SMOC2: variants seen among roughly 807,000 people sequenced by gnomAD.
The protein encoded by SMOC2 is SPARC-related modular calcium-binding protein 2.
A neutral mutation model predicts 61.4 loss-of-function variants in SMOC2; 39 were observed. The observed-to-expected ratio is 0.64, with a 90% CI of 0.49 to 0.83. The LOEUF (loss-of-function observed/expected upper bound fraction) is 0.83. Among genes scored for constraint, SMOC2 ranks in the 40% least tolerant of loss-of-function variants. SMOC2 has a pLI of 0.00. For synonymous variants in SMOC2, 247 were observed against 239.9 expected, an observed-to-expected ratio of 1.03 and a Z score of -0.27; for missense variants, 556 against 592.9, an observed-to-expected ratio of 0.94 and a Z score of 0.65.
chr6:168,480,978 A>G (rs983019193), intron 1 of SMOC2, among the ~76,000 whole-genome samples: 9 of 152,200 alleles, frequency 5.9e-5, no homozygotes, highest in African/African-American at 4.8e-5. Context: ...CCCTATCTCC[A>G]GCAAAGCTGT....
chr6:168,583,545 G>GTC (rs1784971659), intron 7 of SMOC2, among the ~76,000 whole-genome samples: 13 of 151,924 alleles, frequency 8.6e-5, no homozygotes, highest in Admixed American at 7.9e-4. Flanking sequence ...CTACAGGGGT[G>GTC]TGGGTCTGAC....
At chr6:168,620,042 C>A (rs1786205837) in intron 9 of SMOC2, among the ~76,000 whole-genome samples, 1 of 152,238 alleles carries the variant, frequency 6.6e-6, no homozygotes, top group African/African-American at 2.4e-5. Context: ...AGATCCCCTG[C>A]ACCAGGTTGC....
chr6:168,663,806 A>G (rs772271694), intron 11 of SMOC2, among the ~76,000 whole-genome samples: 7 of 152,248 alleles, frequency 4.6e-5, no homozygotes, highest in Non-Finnish European at 8.8e-5. Flanking sequence ...GATTTAAAGT[A>G]TATAGGAGGT....
chr6:168,605,534 C>G (rs147937426), intron 8 of SMOC2, among the ~76,000 whole-genome samples: 95 of 152,274 alleles, frequency 6.2e-4, no homozygotes, highest in African/African-American at 2.2e-3. Flanking sequence ...GCATTTCACA[C>G]TACTCATTAA....
Position 168,653,059 on chromosome 6 carries a change from C to T in SMOC2, c.1116C>T (p.Ile372=). ...GTGGAGACATCGGCAAAAAGGAAAT[C>T]AAACCCTTCAAGAGGTTCCTTCGCA... ...NSSGDIGKKE[I]KPFKRFLRKK... The change falls in exon 11 of 13, where the codon ATC becomes ATT. Residue 372 remains isoleucine (I), a synonymous_variant. Coordinates refer to ENST00000356284, the MANE Select transcript of SMOC2 (RefSeq NM_001166412.2). 1 of 1,614,152 alleles carries T rather than the reference C, an allele frequency of 6.2e-7. No homozygotes were observed.
chr6:168,523,674 C>T (rs1215853701), intron 2 of SMOC2, among the ~76,000 whole-genome samples: 3 of 152,110 alleles, frequency 2.0e-5, no homozygotes, highest in East Asian at 1.9e-4. Flanking sequence ...GCTGGGATTA[C>T]AGGCATCAAC....
intron 9 of SMOC2, among the ~76,000 whole-genome samples, chr6:168,623,437 C>T (rs1300123601): frequency 6.0e-5 from 9 of 150,602 alleles, no homozygotes; most frequent in Non-Finnish European, 1.2e-4. Context: ...GCAATTCTCC[C>T]GCCTCAGCCT....
chr6:168,599,288 A>C (rs1371755213), intron 8 of SMOC2, among the ~76,000 whole-genome samples: 20 of 95,922 alleles, frequency 2.1e-4, no homozygotes, highest in African/African-American at 7.9e-4. Flanking sequence ...ACACACCCAC[A>C]CACACACATA....
chr6:168,663,778 T>C (rs962854735), intron 11 of SMOC2, among the ~76,000 whole-genome samples: 3 of 152,218 alleles, frequency 2.0e-5, no homozygotes, highest in African/African-American at 2.4e-5. Flanking sequence ...CATTAAGCAT[T>C]ATAAGTAGTC....
intron 1 of SMOC2, among the ~76,000 whole-genome samples, chr6:168,464,213 G>A (rs1296340552): frequency 6.8e-6 from 1 of 147,348 alleles, no homozygotes; most frequent in Admixed American, 6.8e-5. Context: ...GAGGAAGGAA[G>A]AAAGGAAGGA....
chr6:168,555,522 C>G (rs902633280), intron 7 of SMOC2, among the ~76,000 whole-genome samples: 1 of 152,200 alleles, frequency 6.6e-6, no homozygotes, highest in Non-Finnish European at 1.5e-5. Flanking sequence ...AGCTCCTTCT[C>G]CCTCTGCCAG....
At chr6:168,543,975 A>T (rs73258979) in intron 5 of SMOC2, among the ~76,000 whole-genome samples, 2 of 152,138 alleles carry the variant, frequency 1.3e-5, no homozygotes, top group East Asian at 3.9e-4. Context: ...GCTGAGGCTC[A>T]GTATTTTGGC....
At chr6:168,567,545 A>G (rs1387920946) in intron 7 of SMOC2, among the ~76,000 whole-genome samples, 2 of 152,110 alleles carry the variant, frequency 1.3e-5, no homozygotes, top group African/African-American at 4.8e-5. Context: ...GCCACGTTGA[A>G]TATCTAGTAT....
intron 3 of SMOC2, 29 bp from the exon 4 acceptor site, chr6:168,527,599 G>A: frequency 1.3e-6 from 2 of 1,514,466 alleles, no homozygotes; most frequent in Non-Finnish European, 9.0e-7. Flanking sequence ...GGGCCCGGGA[G>A]GGCTTACCCG....
intron 1 of SMOC2, among the ~76,000 whole-genome samples, chr6:168,445,721 G>A (rs1198633733): frequency 6.6e-6 from 1 of 152,182 alleles, no homozygotes; most frequent in African/African-American, 2.4e-5. Flanking sequence ...GACCACGAAG[G>A]TGGTTAAGGA....
At chr6:168,508,093 C>T (rs1371000859) in intron 1 of SMOC2, among the ~76,000 whole-genome samples, 3 of 152,298 alleles carry the variant, frequency 2.0e-5, no homozygotes, top group South Asian at 2.1e-4. Context: ...GGGCTCCCCA[C>T]GGGCCGTCCG....
At chr6:168,495,051 A>G (rs1444452231) in intron 1 of SMOC2, among the ~76,000 whole-genome samples, 2 of 152,214 alleles carry the variant, frequency 1.3e-5, no homozygotes, top group Non-Finnish European at 2.9e-5. Flanking sequence ...GAACCTGCTC[A>G]CACCATGACC....
At chr6:168,499,837 A>G (rs1039416496) in intron 1 of SMOC2, among the ~76,000 whole-genome samples, 1 of 152,170 alleles carries the variant, frequency 6.6e-6, no homozygotes, top group Non-Finnish European at 1.5e-5. Context: ...GCAATCAGGA[A>G]GGAGTGAGTT....
At chr6:168,612,485 A>G (rs1785904556) in intron 9 of SMOC2, among the ~76,000 whole-genome samples, 1 of 150,680 alleles carries the variant, frequency 6.6e-6, no homozygotes, top group African/African-American at 2.5e-5. Context: ...CCTTTACTCA[A>G]ACAGCAGTGC....
Sources: gnomAD v4.1 joint callset for allele counts (sites outside exome capture counted in the v4.1 genomes callset) on GRCh38, gnomAD v4.1.1 for gene constraint, MANE v1.5 for transcripts, NCBI Gene and HGNC (gene_info 2026-07-23, HGNC 2026-07-21) for gene names.